Variants in TMEM131L observed in about 807,000 individuals in gnomAD.
The protein encoded by TMEM131L is transmembrane protein 131-like.
In TMEM131L, 54 loss-of-function variants were observed where a neutral mutation model predicts 192.2. The ratio of observed to expected loss-of-function variants is 0.28; its 90% CI spans 0.23 to 0.35. TMEM131L has a LOEUF of 0.35. TMEM131L is among the 10% of genes least tolerant of loss of function. The pLI is 1.00. For missense variants in TMEM131L, 1,888 were observed against 1,972.9 expected, an observed-to-expected ratio of 0.96 and a Z score of 0.82; for synonymous variants, 701 against 704.9, an observed-to-expected ratio of 0.99 and a Z score of 0.09.
intron 16 of TMEM131L, among the ~76,000 whole-genome samples, chr4:153,589,891 C>G (rs193254628): frequency 6.6e-6 from 1 of 152,272 alleles, no homozygotes; most frequent in East Asian, 1.9e-4. Context: ...AGACTTTTGG[C>G]CGAGTCATCA....
chr4:153,578,435 AACCTCC>A (rs1730107117), intron 7 of TMEM131L, among the ~76,000 whole-genome samples: 1 of 151,764 alleles, frequency 6.6e-6, no homozygotes, highest in Admixed American at 6.6e-5. Context: ...AGCTCACTGA[AACCTCC>A]ACCTCCTGGG....
chr4:153,608,542 G>A (rs900262000), intron 25 of TMEM131L, among the ~76,000 whole-genome samples: 3 of 152,170 alleles, frequency 2.0e-5, no homozygotes, highest in Non-Finnish European at 4.4e-5. Flanking sequence ...ATTATTTCAC[G>A]GGTTTCTACC....
intron 7 of TMEM131L, among the ~76,000 whole-genome samples, chr4:153,564,123 T>C (rs976867913): frequency 5.3e-5 from 8 of 151,758 alleles, no homozygotes; most frequent in Non-Finnish European, 1.0e-4. Context: ...ACCCCGTCTC[T>C]ACTAAAAATA....
At chr4:153,592,959 AG>A (rs1182406460) in intron 18 of TMEM131L, among the ~76,000 whole-genome samples, 1 of 152,156 alleles carries the variant, frequency 6.6e-6, no homozygotes, top group Non-Finnish European at 1.5e-5. Context: ...CCATATCTGC[AG>A]GGGAATTGGT....
In TMEM131L at chr4:153,466,473, T is replaced by TA; in HGVS notation, c.76_77insA (p.Phe26TyrfsTer19). 1 of 1,421,244 alleles carries TA rather than the reference T, an allele frequency of 7.0e-7. No homozygotes were observed. The highest frequency in any genetic ancestry group is 9.3e-7 in the Non-Finnish European group (1 of 1,079,436). The allele number at this position is 1,421,244 out of a possible 1,614,324, so 88.0% of individuals were successfully genotyped here. ...GGCCGTGAACCTCCTGCTGGGCGTC[T>TA]TCCAGGTCCTGCTGCCCTGCTGTCG... On this transcript the variant is annotated frameshift_variant, in exon 1 of 35. Coordinates refer to ENST00000409959, the MANE Select transcript of TMEM131L (RefSeq NM_001131007.2). LOFTEE classifies it high-confidence loss of function.
intron 7 of TMEM131L, among the ~76,000 whole-genome samples, chr4:153,568,305 G>GTGGAC (rs1389447608): frequency 6.6e-6 from 1 of 152,170 alleles, no homozygotes; most frequent in Non-Finnish European, 1.5e-5. Flanking sequence ...TTTTGTTTCA[G>GTGGAC]ACTCAGTGGA....
chr4:153,602,746 C>G lies in TMEM131L; in HGVS notation c.2639+19C>G. On this transcript the variant is annotated intron_variant, in intron 23 of 34. Coordinates refer to ENST00000409959, the MANE Select transcript of TMEM131L (RefSeq NM_001131007.2). ...TTGTCAGGTAAACCACTACTGTCTC[C>G]CTTGTTCTCTCACTGAGTAGAGAAG... The G allele has an allele frequency of 6.2e-7, 1 of 1,611,062 alleles. No homozygotes were observed. Among genetic ancestry groups the G allele is most frequent in the Non-Finnish European group, 8.5e-7 (1 of 1,178,040 alleles).
At chr4:153,499,064 C>T (rs576221305) in intron 3 of TMEM131L, among the ~76,000 whole-genome samples, 14 of 152,348 alleles carry the variant, frequency 9.2e-5, no homozygotes, top group Admixed American at 2.6e-4. Context: ...AGAACTTGGA[C>T]AGCCTGTCAT....
At chr4:153,589,175 A>G (rs1300754292) in intron 16 of TMEM131L, among the ~76,000 whole-genome samples, 168 bp downstream of exon 16, 2 of 152,192 alleles carry the variant, frequency 1.3e-5, no homozygotes, top group Admixed American at 6.5e-5. Flanking sequence ...TTCCTTCATC[A>G]TAATTTCACA....
At chr4:153,607,633 G>T (rs973407062) in intron 25 of TMEM131L, among the ~76,000 whole-genome samples, 2 of 152,140 alleles carry the variant, frequency 1.3e-5, no homozygotes, top group African/African-American at 4.8e-5. Flanking sequence ...GGACAGTCCC[G>T]CCTCTTAAGA....
chr4:153,511,762 A>G (rs1471895037), intron 3 of TMEM131L, among the ~76,000 whole-genome samples: 1 of 152,208 alleles, frequency 6.6e-6, no homozygotes, highest in Non-Finnish European at 1.5e-5. Context: ...CATTCCAGTA[A>G]TAAGTAATAG....
intron 3 of TMEM131L, among the ~76,000 whole-genome samples, chr4:153,530,419 C>T (rs776006986): frequency 5.9e-5 from 9 of 151,970 alleles, no homozygotes; most frequent in Non-Finnish European, 1.2e-4. Context: ...GGGACATGAA[C>T]GAGCAGTTTC....
chr4:153,548,993 CT>C (rs1490099923), intron 3 of TMEM131L, among the ~76,000 whole-genome samples: 1 of 152,140 alleles, frequency 6.6e-6, no homozygotes, highest in Non-Finnish European at 1.5e-5. Flanking sequence ...CAAAAATGGT[CT>C]TGCTCTGTCG....
chr4:153,606,164 T>A (rs999220586), intron 25 of TMEM131L, among the ~76,000 whole-genome samples: 4 of 152,200 alleles, frequency 2.6e-5, no homozygotes, highest in African/African-American at 4.8e-5. Flanking sequence ...TCCCAGACAC[T>A]CTCTGGGGTC....
At chr4:153,615,025 A>G (rs1336514205) in intron 26 of TMEM131L, among the ~76,000 whole-genome samples, 1 of 152,182 alleles carries the variant, frequency 6.6e-6, no homozygotes, top group East Asian at 1.9e-4. Context: ...ATGTCTGTCA[A>G]AGCAATGCTG....
intron 14 of TMEM131L, 96 bp downstream of exon 14, chr4:153,586,475 C>A: frequency 1.1e-6 from 1 of 872,138 alleles, no homozygotes; most frequent in Non-Finnish European, 1.7e-6. Context: ...CTGGGTTAAG[C>A]TCACGTTCTT....
intron 3 of TMEM131L, among the ~76,000 whole-genome samples, chr4:153,513,902 A>G (rs1335399788): frequency 6.6e-6 from 1 of 152,178 alleles, no homozygotes; most frequent in Non-Finnish European, 1.5e-5. Context: ...TCATGCTGAG[A>G]CTTAGGTCAT....
Position 153,603,953 on chromosome 4 carries a change from T to C in TMEM131L, c.2941T>C (p.Cys981Arg), listed in dbSNP as rs1479892643. ...TGGTCATTCTCAGAAGAAGCACAAATGCTCAGTGTATTACAGTAAACACAA... is the reference window on the plus strand; with the variant it reads ...TGGTCATTCTCAGAAGAAGCACAAACGCTCAGTGTATTACAGTAAACACAA... ...TYGHSQKKHK[C>R]SVYYSKHKTS... Residue 981 changes from cysteine to arginine, a missense_variant, in exon 25 of 35, where the codon TGC becomes CGC. Transcript: ENST00000409959. 1.2e-6 allele frequency: 2 copies of C among 1,614,006 alleles called. No individual in the cohort carries two copies. The highest frequency in any genetic ancestry group is 3.3e-5 in the Admixed American group (2 of 60,000).
intron 10 of TMEM131L, 81 bp from the exon 11 acceptor site, chr4:153,583,483 A>G: frequency 7.1e-6 from 7 of 989,514 alleles, no homozygotes; most frequent in South Asian, 6.6e-5. Context: ...GGTCTGTGCT[A>G]TTTATTCTAA....
Sources: allele counts gnomAD v4.1 joint callset (sites outside exome capture counted in the v4.1 genomes callset), GRCh38; gene constraint gnomAD v4.1.1; transcripts MANE v1.5; gene names NCBI Gene and HGNC (gene_info 2026-07-23, HGNC 2026-07-21).